Variants in FLNB observed in about 807,000 individuals in gnomAD.
The protein encoded by FLNB is filamin B.
In FLNB, 111 loss-of-function variants were observed where a neutral mutation model predicts 250.6. The observed-to-expected ratio is 0.44, with a 90% CI of 0.38 to 0.52. The LOEUF is 0.52. FLNB is among the 20% of genes least tolerant of loss of function. FLNB has a pLI of 0.00. For missense variants in FLNB, 2,869 were observed against 3,447.8 expected (o/e 0.83, Z 4.20); for synonymous variants, 1,302 against 1,372.1 (o/e 0.95, Z 1.13).
intron 1 of FLNB, among the ~76,000 whole-genome samples, chr3:58,031,129 G>C (rs2097130263): frequency 6.6e-6 from 1 of 152,270 alleles, no homozygotes; most frequent in South Asian, 2.1e-4. Context: ...GAGGTGTATA[G>C]GGGCTTTCAA....
intron 5 of FLNB, 74 bp from the exon 6 acceptor site, chr3:58,096,067 A>G (rs2097238007): frequency 8.4e-7 from 1 of 1,190,484 alleles, no homozygotes; most frequent in African/African-American, 1.5e-5. Context: ...GCTCCTGCAG[A>G]ACCCCTGCTG....
chr3:58,149,492 C>T, intron 36 of FLNB: 1 of 334,174 alleles, frequency 3.0e-6, no homozygotes, highest in South Asian at 3.1e-5. Flanking sequence ...TTCAAAATCT[C>T]AGATCTGGCT....
intron 1 of FLNB, among the ~76,000 whole-genome samples, chr3:58,028,382 A>T (rs887977533): frequency 1.3e-5 from 2 of 152,088 alleles, no homozygotes; most frequent in African/African-American, 2.4e-5. Context: ...AGAGTTGTTT[A>T]GAATTTTTTT....
chr3:58,062,396 A>G (rs925256893), intron 1 of FLNB, among the ~76,000 whole-genome samples: 1 of 152,160 alleles, frequency 6.6e-6, no homozygotes, highest in African/African-American at 2.4e-5. Flanking sequence ...TTGAATGTAA[A>G]GTTTATTTAA....
At chr3:58,047,326 ATAATGTTTCC>A (rs1205234296) in intron 1 of FLNB, among the ~76,000 whole-genome samples, 4 of 152,178 alleles carry the variant, frequency 2.6e-5, no homozygotes, top group African/African-American at 9.7e-5. Flanking sequence ...CATTTTAGCA[ATAATGTTTCC>A]TTCCCACTCC....
chr3:58,108,551 C>T lies in FLNB; in HGVS notation c.2035C>T (p.Pro679Ser), dbSNP rs144158201. Residue 679 changes from proline to serine, a missense_variant, in exon 13 of 46, where the codon CCC (proline) becomes TCC (serine). Pro to Ser is a moderately conservative substitution (Grantham distance 74). Around this residue, in one of 5 missense-constraint regions of FLNB, gnomAD observed 1,348 missense variants for 1,466.7 expected, o/e 0.92. Transcript: ENST00000295956. ...TVDPKDAGKAPLKIFAQDGEG... is the reference protein window; with the variant it reads ...TVDPKDAGKASLKIFAQDGEG... ...GGATCCTAAGGATGCTGGAAAAGCT[C>T]CCTTAAAGATATTTGCTCAGGTAAA... 2.7e-5 allele frequency: 44 copies of T among 1,613,110 alleles called. No individual in the cohort carries two copies. In the African/African-American group the frequency reaches 4.9e-4, roughly 18 times the overall value.
chr3:58,124,510 G>GCCGC lies in FLNB; in HGVS notation c.3898+8_3898+11dup. ...AATACACACCCTTTGAGAAAGGTGA[G>GCCGC]CCGCCCTGTCCTCGGACTGGACCCT... On this transcript the variant is annotated splice_donor_region_variant and intron_variant, in intron 22 of 45. Coordinates refer to ENST00000295956, the MANE Select transcript of FLNB (RefSeq NM_001457.4). 1 of 1,614,118 alleles carries GCCGC rather than the reference G, an allele frequency of 6.2e-7. No homozygotes were observed. Among genetic ancestry groups the GCCGC allele is most frequent in the Non-Finnish European group, 8.5e-7 (1 of 1,180,002 alleles).
chr3:58,064,006 C>T (rs2097181994), intron 1 of FLNB, among the ~76,000 whole-genome samples: 1 of 152,038 alleles, frequency 6.6e-6, no homozygotes, highest in Non-Finnish European at 1.5e-5. Flanking sequence ...ATGTCTTGCC[C>T]TGTGGAGACA....
chr3:58,153,003 G>A (rs2097347778), intron 38 of FLNB: 1 of 354,034 alleles, frequency 2.8e-6, no homozygotes, highest in Non-Finnish European at 5.5e-6. Context: ...ACTTACATAT[G>A]TTCACCTTTT....
intron 1 of FLNB, among the ~76,000 whole-genome samples, chr3:58,051,748 C>T (rs992503749): frequency 1.3e-5 from 2 of 151,240 alleles, no homozygotes; most frequent in Non-Finnish European, 2.9e-5. Flanking sequence ...TTGTGAGTAA[C>T]GGAGAAGTGT....
At chr3:58,019,461 C>A (rs1305924606) in intron 1 of FLNB, among the ~76,000 whole-genome samples, 3 of 152,130 alleles carry the variant, frequency 2.0e-5, no homozygotes, top group Non-Finnish European at 4.4e-5. Flanking sequence ...TAAGCCTCTG[C>A]CTCTTTCTTT....
chr3:58,120,858 C>T (rs1052023657), intron 19 of FLNB, among the ~76,000 whole-genome samples: 2 of 152,188 alleles, frequency 1.3e-5, no homozygotes, highest in African/African-American at 4.8e-5. Flanking sequence ...CTGCATATGT[C>T]ACCCTGGACA....
chr3:58,118,287 A>G (rs1055407348), intron 18 of FLNB, among the ~76,000 whole-genome samples: 1 of 152,218 alleles, frequency 6.6e-6, no homozygotes, highest in African/African-American at 2.4e-5. Flanking sequence ...GGTCTAGGTG[A>G]ACTCTTGCAA....
chr3:58,126,668 A>G lies in FLNB; in HGVS notation c.4128A>G (p.Arg1376=), dbSNP rs1373571742. The G allele has an allele frequency of 6.2e-7, 1 of 1,613,734 alleles. No individual in the cohort carries two copies. Among genetic ancestry groups the G allele is most frequent in the East Asian group, 2.2e-5 (1 of 44,886 alleles). ...CATCAGAGTCGAAGATAAATTGCAG[A>G]GACAACAAGGATGGCAGCTGCAGTG... ...EGPSESKINC[R]DNKDGSCSAE... The change falls in exon 24 of 46, where the codon AGA becomes AGG. Residue 1376 remains arginine, a synonymous_variant. Transcript: ENST00000295956.
intron 42 of FLNB, among the ~76,000 whole-genome samples, chr3:58,160,930 C>A (rs866087120): frequency 2.0e-5 from 3 of 152,128 alleles, no homozygotes; most frequent in Non-Finnish European, 4.4e-5. Context: ...CTGCTGTGAG[C>A]TGTGATCATG....
Position 58,168,674 on chromosome 3 carries a change from C to T in FLNB, c.7417+16C>T, listed in dbSNP as rs1007416309. 6.3e-7 allele frequency: 1 copy of T among 1,575,720 alleles called. No individual in the cohort carries two copies. Among genetic ancestry groups the T allele is most frequent in the South Asian group, 1.1e-5 (1 of 90,186 alleles). On this transcript the variant is annotated intron_variant, in intron 44 of 45. Coordinates refer to ENST00000295956, the MANE Select transcript of FLNB (RefSeq NM_001457.4). ...AAGGTGACAGGTAACGAACAACCAC[C>T]TTCGGAGTTACTCTCCCTTCCTGGG...
At chr3:58,087,710 G>A (rs549752534) in intron 4 of FLNB, among the ~76,000 whole-genome samples, 83 of 151,900 alleles carry the variant, frequency 5.5e-4, no homozygotes, top group Non-Finnish European at 9.9e-4. Context: ...TCGGCCTCCC[G>A]AAGTGTTGGG....
intron 29 of FLNB, 93 bp downstream of exon 29, chr3:58,138,622 C>CT: frequency 6.8e-5 from 104 of 1,518,800 alleles, no homozygotes; most frequent in Non-Finnish European, 7.8e-5. Context: ...TCCTCTTCAC[C>CT]TTTTTTTTCC....
At chr3:58,047,935 C>T (rs547537647) in intron 1 of FLNB, among the ~76,000 whole-genome samples, 6 of 152,234 alleles carry the variant, frequency 3.9e-5, no homozygotes, top group African/African-American at 1.2e-4. Flanking sequence ...CCACATACTC[C>T]AACAAGCATC....
Sources: allele counts gnomAD v4.1 joint callset (sites outside exome capture counted in the v4.1 genomes callset), GRCh38; gene constraint gnomAD v4.1.1; regional missense constraint gnomAD v4.1.1; transcripts MANE v1.5; gene names NCBI Gene and HGNC (gene_info 2026-07-23, HGNC 2026-07-21).